BCOR: variants seen among roughly 807,000 people sequenced by gnomAD.
The protein encoded by BCOR is BCL-6 corepressor.
In BCOR, 10 loss-of-function variants were observed where a neutral mutation model predicts 86.7. The observed-to-expected ratio is 0.12, with a 90% CI of 0.07 to 0.20. The LOEUF (loss-of-function observed/expected upper bound fraction) is 0.20, where lower values mean the gene tolerates loss of function less well. Ranked by LOEUF, BCOR falls within the 10% of genes least tolerant of loss-of-function variation. The pLI, the probability that BCOR is intolerant of heterozygous loss-of-function variation, is 1.00. For synonymous variants in BCOR, 611 were observed against 609.0 expected, an observed-to-expected ratio of 1.00 and a Z score of -0.05; for missense variants, 1,259 against 1,452.1, an observed-to-expected ratio of 0.87 and a Z score of 2.16.
At chrX:40,146,729 C>G (rs1462442010) in intron 1 of BCOR, 1 of 112,195 alleles carries the variant, frequency 8.9e-6, no homozygotes, top group Non-Finnish European at 1.9e-5. Flanking sequence ...GCCCTGCGGG[C>G]GCCTCGGGGT....
In BCOR at chrX:40,073,093, C is replaced by G. The variant is rs773453428; in HGVS notation, c.2253G>C (p.Glu751Asp). The G allele has an allele frequency of 2.5e-6, 3 of 1,210,439 alleles. No homozygotes were observed. The highest frequency in any genetic ancestry group is 3.4e-6 in the Non-Finnish European group (3 of 895,375). Residue 751 changes from glutamate (E) to aspartate (D), a missense_variant, in exon 4 of 15, where the codon GAG (glutamate) becomes GAC (aspartate). Physicochemically the swap from Glu to Asp is conservative, Grantham distance 45 (BLOSUM62 2). This residue lies in a region of BCOR where 534 missense variants were observed against 594.8 expected (regional missense o/e 0.90). Transcript: ENST00000378444. ...EKPERRSRSHERARYEDPTLR... is the reference protein window; with the variant it reads ...EKPERRSRSHDRARYEDPTLR... Reference sequence around the variant, plus strand: ...GGGTTGGGTCCTCGTAACGGGCTCTCTCATGGGACCGGGATCTCCTCTCTG... The same window carrying G: ...GGGTTGGGTCCTCGTAACGGGCTCTGTCATGGGACCGGGATCTCCTCTCTG...
intron 1 of BCOR, among the ~76,000 whole-genome samples, chrX:40,153,569 G>T (rs1185073574): frequency 2.7e-5 from 3 of 111,205 alleles, no homozygotes; most frequent in Non-Finnish European, 5.7e-5. Flanking sequence ...CCCGCGGGGC[G>T]CTCCCTCTGC....
rs181355191 is a variant in BCOR at position 40,158,631 on chromosome X, G to A, written c.-41+18376C>T. 5.3e-5 allele frequency among the ~76,000 whole-genome samples: 6 copies of A among 112,677 alleles called. No individual in the cohort carries two copies. In the East Asian group the frequency reaches 1.7e-3, roughly 32 times the overall value. On this transcript the variant is annotated intron_variant, in intron 1 of 14. Coordinates refer to the BCOR transcript ENST00000342274. ...GTCAACGTGTTATCGCTTCTCCCGC[G>A]CACCCCAGAACTCTGTCCCCAGAGG... is the stretch of plus-strand genomic sequence containing the variant.
intron 1 of BCOR, among the ~76,000 whole-genome samples, chrX:40,083,640 G>C (rs1260191738): frequency 8.9e-6 from 1 of 111,823 alleles, no homozygotes; most frequent in Non-Finnish European, 1.9e-5. Context: ...GCGATCGGTC[G>C]GCAACAAAGG....
intron 1 of BCOR, among the ~76,000 whole-genome samples, chrX:40,144,923 A>C: frequency 9.0e-6 from 1 of 110,554 alleles, no homozygotes. Flanking sequence ...ATGTCGACAA[A>C]TTTGAAACAT....
chrX:40,123,242 T>G (rs755503934), intron 1 of BCOR, among the ~76,000 whole-genome samples: 2 of 111,349 alleles, frequency 1.8e-5, no homozygotes, highest in South Asian at 7.6e-4. Flanking sequence ...AAGCTCTGTG[T>G]GCAGTGGCAG....
intron 1 of BCOR, among the ~76,000 whole-genome samples, chrX:40,123,431 C>A (rs1302807649): frequency 9.1e-6 from 1 of 110,213 alleles, no homozygotes; most frequent in Non-Finnish European, 1.9e-5. Flanking sequence ...CGGCTCACTG[C>A]AACCTCCGCC....
intron 1 of BCOR, among the ~76,000 whole-genome samples, chrX:40,128,731 T>G (rs1486729197): frequency 9.0e-6 from 1 of 111,455 alleles, no homozygotes; most frequent in Non-Finnish European, 1.9e-5. Flanking sequence ...TGGCTCCCTA[T>G]GCAAGTCATA....
intron 1 of BCOR, among the ~76,000 whole-genome samples, chrX:40,117,176 T>C (rs2147858055): frequency 8.9e-6 from 1 of 112,191 alleles, no homozygotes; most frequent in South Asian, 3.7e-4. Flanking sequence ...CTTTGGGTTT[T>C]ATTTTCCAGC....
At chrX:40,167,231 C>T (rs369096274) in intron 1 of BCOR, among the ~76,000 whole-genome samples, 1 of 112,908 alleles carries the variant, frequency 8.9e-6, no homozygotes, top group Non-Finnish European at 1.9e-5. Context: ...TTTGCTTTCT[C>T]TTTTTCAACT....
At chrX:40,095,226 A>AGG (rs1936803522) in intron 1 of BCOR, among the ~76,000 whole-genome samples, 2 of 112,144 alleles carry the variant, frequency 1.8e-5, no homozygotes, top group Non-Finnish European at 3.8e-5. Context: ...CACACCAGAT[A>AGG]ACAGGTCGAG....
rs748646208 is a variant in BCOR at position 40,073,207 on chromosome X, A to T, written c.2139T>A (p.Phe713Leu). 1.6e-6 allele frequency: 2 copies of T among 1,212,323 alleles called. No homozygotes were observed. Among genetic ancestry groups the T allele is most frequent in the Admixed American group, 4.3e-5 (2 of 46,150 alleles). The change falls in exon 4 of 15, where the codon TTT (phenylalanine) becomes TTA (leucine). Residue 713 changes from phenylalanine to leucine, a missense_variant. Phe to Leu is a conservative substitution (Grantham distance 22). Around this residue, in one of 7 missense-constraint regions of BCOR, gnomAD observed 534 missense variants for 594.8 expected, o/e 0.90. Coordinates refer to ENST00000378444, the MANE Select transcript of BCOR (RefSeq NM_001123385.2). ...ACCCCAGGGCATCTTGGTAGGTCAC[A>T]AACTCTGGACGGCCGGTGGGAAGCC... ...PYGLPTGRPEFVTYQDALGLG... is the reference protein window; with the variant it reads ...PYGLPTGRPELVTYQDALGLG...
intron 1 of BCOR, among the ~76,000 whole-genome samples, chrX:40,080,985 A>G (rs112886767): frequency 9.5e-4 from 20 of 21,111 alleles, no homozygotes; most frequent in South Asian, 0.014. Context: ...GCACACACAC[A>G]CGCGCACACA....
rs181798004 is a variant in BCOR at position 40,054,852 on chromosome X, C to T, written c.4741+516G>A. On this transcript the variant is annotated intron_variant, in intron 12 of 14. Transcript: ENST00000378444. ...AGCCTAACTAAGCTGCTTCTTCCAACAAGTGAGTGTAATTTAAGGTAAACA... is the reference window on the plus strand; with the variant it reads ...AGCCTAACTAAGCTGCTTCTTCCAATAAGTGAGTGTAATTTAAGGTAAACA... Among the ~76,000 whole-genome samples, 12 of 112,471 alleles carry T rather than the reference C, an allele frequency of 1.1e-4. No individual in the cohort carries two copies. The East Asian group carries it at 2.2e-3, about 21-fold the overall frequency.
At chrX:40,093,260 C>T (rs764383929) in intron 1 of BCOR, among the ~76,000 whole-genome samples, 126 of 112,057 alleles carry the variant, frequency 1.1e-3, no homozygotes, top group Non-Finnish European at 2.1e-3. Context: ...CATTCAAGCG[C>T]ACATCTTAAT....
chrX:40,133,357 C>T (rs1406926067), intron 1 of BCOR, among the ~76,000 whole-genome samples: 10 of 110,772 alleles, frequency 9.0e-5, no homozygotes, highest in Admixed American at 7.6e-4. Context: ...AGGCTGGTCT[C>T]GAACTCCTGA....
At chrX:40,094,750 A>G (rs912759331) in intron 1 of BCOR, among the ~76,000 whole-genome samples, 7 of 112,498 alleles carry the variant, frequency 6.2e-5, no homozygotes, top group Non-Finnish European at 1.3e-4. Context: ...CGCCCCGCGA[A>G]GTTACACTCG....
At chrX:40,104,837 G>A (rs1937140809) in intron 1 of BCOR, among the ~76,000 whole-genome samples, 2 of 112,534 alleles carry the variant, frequency 1.8e-5, no homozygotes, top group Admixed American at 1.8e-4. Context: ...TGACAGCCGG[G>A]CCTCACGTAA....
At chrX:40,075,930 G>A (rs1935786877) in intron 3 of BCOR, among the ~76,000 whole-genome samples, 1 of 111,527 alleles carries the variant, frequency 9.0e-6, no homozygotes, top group Admixed American at 9.5e-5. Flanking sequence ...GGGGGTGGGT[G>A]TTCGCTTCAT....
Sources: allele counts gnomAD v4.1 joint callset (sites outside exome capture counted in the v4.1 genomes callset), GRCh38; gene constraint gnomAD v4.1.1; regional missense constraint gnomAD v4.1.1; transcripts MANE v1.5; gene names NCBI Gene and HGNC (gene_info 2026-07-23, HGNC 2026-07-21).